The following SYTL5 variants were observed in gnomAD, a reference collection of about 807,000 sequenced individuals.
SYTL5 encodes synaptotagmin-like protein 5.
SYTL5 carries 34 observed loss-of-function variants against 55.9 expected under a neutral mutation model. The ratio of observed to expected loss-of-function variants is 0.61; its 90% CI spans 0.46 to 0.81. SYTL5 has a LOEUF of 0.81. SYTL5 is among the 30% of genes least tolerant of loss of function. The pLI, the probability that SYTL5 is intolerant of heterozygous loss-of-function variation, is 0.00. For synonymous variants in SYTL5, 221 were observed against 188.7 expected (o/e 1.17, Z -1.40); for missense variants, 637 against 546.7 (o/e 1.17, Z -1.65).
At chrX:38,035,590 C>CAA (rs1311843520) in intron 2 of SYTL5, among the ~76,000 whole-genome samples, 7 of 53,567 alleles carry the variant, frequency 1.3e-4, no homozygotes, top group Admixed American at 4.7e-4. Context: ...GACTCCGTCT[C>CAA]AAAAAAAAAA....
chrX:38,057,631 T>C (rs970889619), intron 3 of SYTL5, among the ~76,000 whole-genome samples: 2 of 111,922 alleles, frequency 1.8e-5, no homozygotes, highest in Non-Finnish European at 3.8e-5. Context: ...TTTAAGTTCT[T>C]TTATTACTTA....
chrX:38,127,357 C>G lies in SYTL5; in HGVS notation c.*627C>G, dbSNP rs1467404703. The G allele has an allele frequency of 1.8e-5, 2 of 111,891 alleles. No homozygotes were observed. Among genetic ancestry groups the G allele is most frequent in the Non-Finnish European group, 3.8e-5 (2 of 53,134 alleles). 9.2% of individuals were successfully genotyped at this position (111,891 alleles called of 1,213,427 possible). A position where few individuals can be genotyped will look rare whatever the true frequency, so the allele number is the denominator to read the frequency against. On this transcript the variant is annotated 3_prime_UTR_variant, in exon 17 of 17. Coordinates refer to ENST00000297875, the MANE Select transcript of SYTL5 (RefSeq NM_138780.3). ...AGAGAGCTAAATAACTACATCAGAACGATTGATGTTGATTAGAATTGACCT... is the reference window on the plus strand; with the variant it reads ...AGAGAGCTAAATAACTACATCAGAAGGATTGATGTTGATTAGAATTGACCT...
intron 3 of SYTL5, among the ~76,000 whole-genome samples, chrX:38,059,692 G>T (rs1335326723): frequency 1.8e-5 from 2 of 110,499 alleles, no homozygotes; most frequent in Non-Finnish European, 1.9e-5. Flanking sequence ...AAGTTTTGGG[G>T]TTTTTTGTTT....
At chrX:38,124,106 G>A (rs1300869172) in intron 15 of SYTL5, among the ~76,000 whole-genome samples, 1 of 111,351 alleles carries the variant, frequency 9.0e-6, no homozygotes, top group Non-Finnish European at 1.9e-5. Flanking sequence ...AATGGGTTAG[G>A]ATAGCTGCTC....
At chrX:37,929,896 C>T in the SYTL5 span, among the ~76,000 whole-genome samples, 2 of 112,000 alleles carry the variant, frequency 1.8e-5, no homozygotes, top group Non-Finnish European at 3.8e-5. Context: ...ATTCAGAATT[C>T]AGTCAGGCTG....
the SYTL5 span, among the ~76,000 whole-genome samples, chrX:38,000,792 G>C: frequency 8.9e-6 from 1 of 111,738 alleles, no homozygotes; most frequent in African/African-American, 3.3e-5. Context: ...AGCCAGAAGG[G>C]AGATGGAGTG....
intron 5 of SYTL5, among the ~76,000 whole-genome samples, chrX:38,075,865 A>C (rs181721923): frequency 4.4e-4 from 49 of 111,998 alleles, no homozygotes; most frequent in Non-Finnish European, 8.1e-4. Context: ...TTTCTTATTC[A>C]AGTACATTTG....
intron 2 of SYTL5, among the ~76,000 whole-genome samples, chrX:38,042,048 ATAAG>A (rs997837859): frequency 1.4e-4 from 15 of 110,875 alleles, no homozygotes; most frequent in African/African-American, 4.9e-4. Flanking sequence ...CACCATAGTC[ATAAG>A]TAAGATTGTT....
rs993852498 is a variant in SYTL5 at position 38,033,718 on chromosome X, C to A, written c.-172C>A. The A allele has an allele frequency of 9.6e-6, 3 of 313,471 alleles. No homozygotes were observed. The highest frequency in any genetic ancestry group is 1.7e-5 in the Non-Finnish European group (3 of 177,923). The allele number at this position is 313,471 out of a possible 1,213,427, so 25.8% of individuals were successfully genotyped here. The stretch of plus-strand genomic sequence containing the variant: ...CCAGTGGAGGCTGTTCTACGTATAG[C>A]CTGAAAGAATACTTAACTACCATAC... On this transcript the variant is annotated 5_prime_UTR_variant, in exon 2 of 17. Transcript: ENST00000297875.
At chrX:37,896,655 C>T in the SYTL5 span, among the ~76,000 whole-genome samples, 1 of 111,492 alleles carries the variant, frequency 9.0e-6, no homozygotes, top group African/African-American at 3.3e-5. Flanking sequence ...CAGAGGTCTC[C>T]AGCTGACAGC....
chrX:37,921,942 G>C, the SYTL5 span, among the ~76,000 whole-genome samples: 2 of 111,924 alleles, frequency 1.8e-5, no homozygotes, highest in African/African-American at 6.5e-5. Context: ...CACTGACAAC[G>C]AAATGCTACC....
intron 3 of SYTL5, among the ~76,000 whole-genome samples, chrX:38,056,596 C>T (rs1935791721): frequency 8.9e-6 from 1 of 111,788 alleles, no homozygotes. Context: ...GTGAGAGTTC[C>T]TTTTCCTCCA....
chrX:37,943,069 A>C, the SYTL5 span, among the ~76,000 whole-genome samples: 1 of 112,110 alleles, frequency 8.9e-6, no homozygotes, highest in Non-Finnish European at 1.9e-5. Flanking sequence ...TTTTCTAAAC[A>C]AAAGAGCTAT....
chrX:38,026,523 G>A (rs1267616766), intron 1 of SYTL5, among the ~76,000 whole-genome samples: 2 of 111,838 alleles, frequency 1.8e-5, no homozygotes, highest in Non-Finnish European at 1.9e-5. Context: ...AGAAAGTAAA[G>A]GAATAAAAGA....
At chrX:38,118,367 T>G (rs779520357) in intron 13 of SYTL5, among the ~76,000 whole-genome samples, 1 of 111,949 alleles carries the variant, frequency 8.9e-6, no homozygotes, top group South Asian at 3.8e-4. Flanking sequence ...TTTGCTTATT[T>G]ATGCCAAGTC....
At chrX:37,954,014 G>T in the SYTL5 span, among the ~76,000 whole-genome samples, 1 of 111,723 alleles carries the variant, frequency 9.0e-6, no homozygotes, top group East Asian at 2.8e-4. Context: ...GAGAATGCTT[G>T]TTGGAACAAG....
upstream of SYTL5, among the ~76,000 whole-genome samples, chrX:38,005,431 T>G (rs1024859906): frequency 3.6e-5 from 4 of 111,806 alleles, no homozygotes; most frequent in African/African-American, 1.3e-4. Flanking sequence ...TCAATTATTA[T>G]GTATTCAAAG....
chrX:37,974,830 A>G, the SYTL5 span, among the ~76,000 whole-genome samples: 1 of 112,380 alleles, frequency 8.9e-6, no homozygotes, highest in South Asian at 3.7e-4. Flanking sequence ...CTGAAGGTGA[A>G]GGGCAGAAGG....
chrX:37,931,767 GA>G, the SYTL5 span, among the ~76,000 whole-genome samples: 1 of 111,791 alleles, frequency 8.9e-6, no homozygotes, highest in Non-Finnish European at 1.9e-5. Flanking sequence ...ATAAATTTAT[GA>G]ATGTAATTCA....
Sources: gnomAD v4.1 joint callset for allele counts (sites outside exome capture counted in the v4.1 genomes callset) on GRCh38, gnomAD v4.1.1 for gene constraint, MANE v1.5 for transcripts, NCBI Gene and HGNC (gene_info 2026-07-23, HGNC 2026-07-21) for gene names.